METTL22: variants seen among roughly 807,000 people sequenced by gnomAD.
METTL22 encodes the protein methyltransferase-like protein 22.
In METTL22, 51 loss-of-function variants were observed where a neutral mutation model predicts 48.4. That is an observed-to-expected ratio of 1.05 (90% CI 0.84 to 1.33). The LOEUF is 1.33. METTL22 is among the 40% of genes most tolerant of loss of function. METTL22 has a pLI of 0.00. For synonymous variants in METTL22, 255 were observed against 214.1 expected (o/e 1.19, Z -1.67); for missense variants, 678 against 526.9 (o/e 1.29, Z -2.81).
At chr16:8,661,454 G>A in the METTL22 span, among the ~76,000 whole-genome samples, 2 of 145,442 alleles carry the variant, frequency 1.4e-5, no homozygotes, top group South Asian at 4.5e-4. Flanking sequence ...AGACCATCCT[G>A]GCTAAAATGG....
the METTL22 span, among the ~76,000 whole-genome samples, chr16:8,661,091 G>T: frequency 6.6e-6 from 1 of 152,132 alleles, no homozygotes; most frequent in East Asian, 1.9e-4. Flanking sequence ...GGGCCGTCAG[G>T]CACCTTGCGT....
chr16:8,644,823 C>T, intron 10 of METTL22, 98 bp downstream of exon 10: 1 of 1,293,982 alleles, frequency 7.7e-7, no homozygotes, highest in Non-Finnish European at 1.0e-6. Context: ...CAAGCACAGG[C>T]TCCACCCTAG....
At position 8,628,962 on chromosome 16, in the gene METTL22, G is replaced by A; in HGVS notation, c.366G>A (p.Leu122=). The change falls in exon 3 of 11, where the codon TTG becomes TTA. Residue 122 remains leucine, a synonymous_variant. Transcript: ENST00000381920. ...AEAQLDEDGD[L]DVVRRPRAAS... is the part of the protein sequence containing the mutation. ...CTCAGCTGGATGAGGATGGGGATTT[G>A]GACGTGGTGAGAAGACCACGAGCCG... is the stretch of plus-strand genomic sequence containing the variant. 5 of 1,614,126 alleles carry A rather than the reference G, an allele frequency of 3.1e-6. No homozygotes were observed. Among genetic ancestry groups the A allele is most frequent in the Non-Finnish European group, 4.2e-6 (5 of 1,180,046 alleles).
At chr16:8,655,524 G>A in the METTL22 span, among the ~76,000 whole-genome samples, 2 of 152,172 alleles carry the variant, frequency 1.3e-5, no homozygotes, top group Admixed American at 1.3e-4. Context: ...GTGACACTCC[G>A]TCACTTTTGT....
Position 8,642,458 on chromosome 16 carries a change from C to T in METTL22, c.908-5C>T, listed in dbSNP as rs956577493. 1.9e-6 allele frequency: 3 copies of T among 1,613,882 alleles called. No homozygotes were observed. In the African/African-American group the frequency reaches 4.0e-5, roughly 22 times the overall value. ...CTCTAATGCTGGCCTTTTTGCTTCC[C>T]ACAGTGTTTTACGACGACGACTTGA... On this transcript the variant is annotated splice_region_variant and splice_polypyrimidine_tract_variant and intron_variant, in intron 8 of 10. Coordinates refer to ENST00000381920, the MANE Select transcript of METTL22 (RefSeq NM_024109.4).
intron 3 of METTL22, chr16:8,632,214 C>T (rs1343751172): frequency 6.6e-6 from 1 of 152,210 alleles, no homozygotes; most frequent in Non-Finnish European, 1.5e-5. Flanking sequence ...ACAGCATCCG[C>T]TTCTTCCTTT....
the METTL22 span, among the ~76,000 whole-genome samples, chr16:8,656,091 G>A: frequency 1.3e-5 from 2 of 152,168 alleles, no homozygotes; most frequent in Non-Finnish European, 2.9e-5. Flanking sequence ...TGTTGTTTTA[G>A]AGACAGGTCT....
the METTL22 span, among the ~76,000 whole-genome samples, chr16:8,656,210 G>A: frequency 6.6e-6 from 1 of 152,094 alleles, no homozygotes; most frequent in Non-Finnish European, 1.5e-5. Flanking sequence ...GCCTCCCAAG[G>A]AGCTAGGACT....
At chr16:8,655,493 G>A in the METTL22 span, among the ~76,000 whole-genome samples, 1 of 152,192 alleles carries the variant, frequency 6.6e-6, no homozygotes, top group Non-Finnish European at 1.5e-5. Flanking sequence ...GAGTTTACTG[G>A]GAGGTAACCT....
intron 7 of METTL22, chr16:8,641,497 T>C: frequency 1.8e-6 from 1 of 555,426 alleles, no homozygotes; most frequent in Non-Finnish European, 3.4e-6. Flanking sequence ...GGTAGGGGCA[T>C]AGACCCGAGT....
chr16:8,622,250 A>C (rs6498214), intron 1 of METTL22, among the ~76,000 whole-genome samples: 139,177 of 152,256 alleles, frequency 0.91, 63,767 homozygotes, highest in African/African-American at 0.97. Flanking sequence ...GCGCCAAATT[A>C]TTGATTGTTG....
the METTL22 span, among the ~76,000 whole-genome samples, chr16:8,659,673 A>T: frequency 1.3e-5 from 2 of 152,216 alleles, no homozygotes. Flanking sequence ...AGCCATCAGG[A>T]CAGTGCAGCA....
At position 8,626,799 on chromosome 16, in the gene METTL22, C is replaced by A. The variant is rs1178817904; in HGVS notation, c.133+1001C>A. 2.4e-5 allele frequency among the ~76,000 whole-genome samples: 3 copies of A among 122,742 alleles called. No homozygotes were observed. The East Asian group carries it at 7.3e-4, about 30-fold the overall frequency. The allele number at this position is 122,742 out of a possible 152,430, so 80.5% of individuals were successfully genotyped here. A position where few individuals can be genotyped will look rare whatever the true frequency, so the allele number is the denominator to read the frequency against. On this transcript the variant is annotated intron_variant, in intron 2 of 10. Coordinates refer to ENST00000381920, the MANE Select transcript of METTL22 (RefSeq NM_024109.4). ...TTTTTTTTTTTGAGGCAGTCTCGCT[C>A]CCTCACCCAGGCTGGAGTGCAGTGG...
At chr16:8,640,864 C>T (rs1201535762) in intron 6 of METTL22, among the ~76,000 whole-genome samples, 1 of 56,032 alleles carries the variant, frequency 1.8e-5, no homozygotes, top group Non-Finnish European at 3.8e-5. Context: ...AAGGAAGGGC[C>T]GGAAGATGGG....
chr16:8,641,200 G>T lies in METTL22; in HGVS notation c.826+16G>T, dbSNP rs201377053. On this transcript the variant is annotated intron_variant, in intron 7 of 10. Coordinates refer to ENST00000381920, the MANE Select transcript of METTL22 (RefSeq NM_024109.4). ...CTCTGCACAGGTGTGTGTTTCTCTCGGACGTCCCCCAGTATGATTCAGTGA... is the reference window on the plus strand; with the variant it reads ...CTCTGCACAGGTGTGTGTTTCTCTCTGACGTCCCCCAGTATGATTCAGTGA... 1.7e-5 allele frequency: 28 copies of T among 1,613,316 alleles called. No individual in the cohort carries two copies. Among genetic ancestry groups the T allele is most frequent in the African/African-American group, 2.7e-5 (2 of 74,840 alleles).
the METTL22 span, among the ~76,000 whole-genome samples, chr16:8,659,865 CA>C: frequency 6.6e-6 from 1 of 151,830 alleles, no homozygotes; most frequent in Non-Finnish European, 1.5e-5. Flanking sequence ...GCTGGGATTA[CA>C]GGCACAAGTC....
the METTL22 span, among the ~76,000 whole-genome samples, chr16:8,658,763 C>G: frequency 1.3e-5 from 2 of 152,190 alleles, no homozygotes; most frequent in African/African-American, 4.8e-5. Context: ...CACGTCAAGG[C>G]TCTACTGTAG....
At chr16:8,629,909 G>C (rs886690671) in intron 3 of METTL22, among the ~76,000 whole-genome samples, 1 of 152,130 alleles carries the variant, frequency 6.6e-6, no homozygotes, top group African/African-American at 2.4e-5. Flanking sequence ...AACCCCTCCT[G>C]AGGGGGTGCA....
At chr16:8,665,760 C>T in the METTL22 span, among the ~76,000 whole-genome samples, 2 of 152,302 alleles carry the variant, frequency 1.3e-5, no homozygotes, top group South Asian at 2.1e-4. Flanking sequence ...CAGGGCTTCT[C>T]CCCAAGGAGC....
Sources: gnomAD v4.1 joint callset for allele counts (sites outside exome capture counted in the v4.1 genomes callset) on GRCh38, gnomAD v4.1.1 for gene constraint, MANE v1.5 for transcripts, NCBI Gene and HGNC (gene_info 2026-07-23, HGNC 2026-07-21) for gene names.